ENOX1: variants seen among roughly 807,000 people sequenced by gnomAD.
The protein encoded by ENOX1 is ecto-NOX disulfide-thiol exchanger 1, also known as candidate growth-related and time keeping constitutive hydroquinone (NADH) oxidase.
A neutral mutation model predicts 82.5 loss-of-function variants in ENOX1; 42 were observed. The observed-to-expected ratio is 0.51, with a 90% CI of 0.40 to 0.66. The LOEUF (loss-of-function observed/expected upper bound fraction) is 0.66, where lower values mean the gene tolerates loss of function less well. ENOX1 is among the 30% of genes least tolerant of loss of function. ENOX1 has a pLI of 0.00. For synonymous variants in ENOX1, 271 were observed against 282.2 expected, an observed-to-expected ratio of 0.96 and a Z score of 0.40; for missense variants, 608 against 811.6, an observed-to-expected ratio of 0.75 and a Z score of 3.05.
chr13:43,485,020 G>C (rs1356241851), intron 2 of ENOX1, among the ~76,000 whole-genome samples: 1 of 152,138 alleles, frequency 6.6e-6, no homozygotes, highest in East Asian at 1.9e-4. Flanking sequence ...TTCCTCCACT[G>C]TCCTGATGAA....
chr13:43,463,361 A>G (rs892685768), intron 3 of ENOX1, among the ~76,000 whole-genome samples: 1 of 152,182 alleles, frequency 6.6e-6, no homozygotes, highest in African/African-American at 2.4e-5. Context: ...TGCGCTTTGC[A>G]CATTTAAAAC....
intron 1 of ENOX1, among the ~76,000 whole-genome samples, chr13:43,729,022 T>C (rs971772697): frequency 5.9e-5 from 9 of 152,192 alleles, no homozygotes; most frequent in African/African-American, 1.9e-4. Context: ...TGATCAATAA[T>C]AATAACCACC....
intron 8 of ENOX1, among the ~76,000 whole-genome samples, chr13:43,351,917 T>C (rs546726418): frequency 1.3e-3 from 197 of 152,296 alleles, no homozygotes; most frequent in Non-Finnish European, 2.0e-3. Context: ...CTTGCCTCTA[T>C]GAAGGTCAAT....
intron 16 of ENOX1, among the ~76,000 whole-genome samples, chr13:43,219,710 C>G (rs1326190165): frequency 6.6e-6 from 1 of 152,194 alleles, no homozygotes. Context: ...TTTGCTCACT[C>G]TAGGCCAAGC....
rs9567225 is a variant in ENOX1, at chr13:43,592,977, G to C, written c.-219+74502C>G. On this transcript the variant is annotated intron_variant, in intron 2 of 16. Coordinates refer to ENST00000690772, the MANE Select transcript of ENOX1 (RefSeq NM_001347969.2). ...TTACTTAATATTCTGCATCCTTGAAGTTCTCAAAAATATCAGTAACTATCA... is the reference window on the plus strand; with the variant it reads ...TTACTTAATATTCTGCATCCTTGAACTTCTCAAAAATATCAGTAACTATCA... Among the ~76,000 whole-genome samples, 1,437 of 152,320 alleles carry C rather than the reference G, an allele frequency of 9.4e-3. 24 individuals are homozygous for C. The highest frequency in any genetic ancestry group is 0.085 in the East Asian group (439 of 5,192).
At chr13:43,255,152 A>G (rs1471411365) in intron 14 of ENOX1, among the ~76,000 whole-genome samples, 1 of 152,190 alleles carries the variant, frequency 6.6e-6, no homozygotes, top group African/African-American at 2.4e-5. Flanking sequence ...ATATGCAAAT[A>G]ATAAAGTGGT....
chr13:43,414,444 ACC>A (rs1349169171), intron 3 of ENOX1, among the ~76,000 whole-genome samples: 15 of 152,226 alleles, frequency 9.9e-5, no homozygotes, highest in African/African-American at 3.6e-4. Flanking sequence ...TGAACTCAGA[ACC>A]TGCATGTGTA....
chr13:43,437,375 C>T (rs1012548089), intron 3 of ENOX1, among the ~76,000 whole-genome samples: 5 of 152,188 alleles, frequency 3.3e-5, no homozygotes, highest in African/African-American at 1.2e-4. Flanking sequence ...AATCCTGCAA[C>T]CAACATAATA....
chr13:43,253,106 T>G (rs868665179), intron 14 of ENOX1, among the ~76,000 whole-genome samples: 4 of 152,214 alleles, frequency 2.6e-5, no homozygotes, highest in African/African-American at 9.6e-5. Flanking sequence ...TGTGGATATT[T>G]GTGCAACTGC....
intron 2 of ENOX1, among the ~76,000 whole-genome samples, chr13:43,640,125 T>G (rs577522865): frequency 6.6e-6 from 1 of 152,344 alleles, no homozygotes; most frequent in East Asian, 1.9e-4. Context: ...CTTACAATAT[T>G]TTCCCTAAAT....
chr13:43,582,952 G>A (rs904827243), intron 2 of ENOX1, among the ~76,000 whole-genome samples: 13 of 151,920 alleles, frequency 8.6e-5, no homozygotes, highest in Non-Finnish European at 1.5e-4. Flanking sequence ...AAAGAAGATT[G>A]TTAGAGTTAT....
At chr13:43,346,317 G>A (rs745637643) in intron 8 of ENOX1, among the ~76,000 whole-genome samples, 2 of 152,112 alleles carry the variant, frequency 1.3e-5, no homozygotes, top group Non-Finnish European at 2.9e-5. Context: ...CAGCTTTTAG[G>A]GATGTACCCA....
At position 43,714,797 on chromosome 13, in the gene ENOX1, C is replaced by T. The variant is rs181536150; in HGVS notation, c.-284-47253G>A. Among the ~76,000 whole-genome samples the T allele has an allele frequency of 8.1e-3, 1,239 of 152,214 alleles. 8 individuals are homozygous for T. The highest frequency in any genetic ancestry group is 0.02 in the Middle Eastern group (6 of 294). ...TCTTCCTCCATCCCTTTATTTTGAGCCTATGTGTGTCTCTGCAAGTGAGAT... is the reference window on the plus strand; with the variant it reads ...TCTTCCTCCATCCCTTTATTTTGAGTCTATGTGTGTCTCTGCAAGTGAGAT... On this transcript the variant is annotated intron_variant, in intron 1 of 16. Transcript: ENST00000690772.
At chr13:43,329,739 A>C (rs1396870402) in intron 9 of ENOX1, among the ~76,000 whole-genome samples, 1 of 152,182 alleles carries the variant, frequency 6.6e-6, no homozygotes, top group Non-Finnish European at 1.5e-5. Context: ...AACAAAAACA[A>C]AACAAAATAA....
At chr13:43,768,998 T>C (rs1232415090) in intron 1 of ENOX1, among the ~76,000 whole-genome samples, 1 of 152,226 alleles carries the variant, frequency 6.6e-6, no homozygotes, top group Non-Finnish European at 1.5e-5. Flanking sequence ...AATAAACAAA[T>C]TGCTATTAGT....
At position 43,269,532 on chromosome 13, in the gene ENOX1, A is replaced by T. The variant is rs544071330; in HGVS notation, c.1492T>A (p.Leu498Met). The T allele has an allele frequency of 1.2e-6, 2 of 1,613,842 alleles. No homozygotes were observed. Among genetic ancestry groups the T allele is most frequent in the Non-Finnish European group, 1.7e-6 (2 of 1,179,882 alleles). ...QEELNNKKSE[L>M]EQAKEEQSHT... Reference sequence around the variant, plus strand: ...GACTGCTCTTCCTTTGCTTGTTCCAATTCTGACTTTTTGTTGTTTAACTCC... The same window carrying T: ...GACTGCTCTTCCTTTGCTTGTTCCATTTCTGACTTTTTGTTGTTTAACTCC... The change falls in exon 13 of 17, where the codon TTG becomes ATG. Residue 498 changes from leucine to methionine, a missense_variant. Leu to Met is a conservative substitution (Grantham distance 15). Coordinates refer to ENST00000690772, the MANE Select transcript of ENOX1 (RefSeq NM_001347969.2).
At chr13:43,407,010 G>T (rs1240898213) in intron 5 of ENOX1, among the ~76,000 whole-genome samples, 1 of 152,204 alleles carries the variant, frequency 6.6e-6, no homozygotes, top group Non-Finnish European at 1.5e-5. Flanking sequence ...GCAGGCCTGG[G>T]CAAGAAACTT....
At chr13:43,720,109 T>C (rs2088469886) in intron 1 of ENOX1, among the ~76,000 whole-genome samples, 1 of 152,082 alleles carries the variant, frequency 6.6e-6, no homozygotes, top group South Asian at 2.1e-4. Context: ...TTACATGTTA[T>C]TATTGAAAAA....
Position 43,236,622 on chromosome 13 carries a change from CAG to C in ENOX1, c.1714+12_1714+13del, listed in dbSNP as rs1566302387. The C allele has an allele frequency of 4.0e-6, 6 of 1,490,274 alleles. No homozygotes were observed. The highest frequency in any genetic ancestry group is 2.3e-5 in the Admixed American group (1 of 43,090). 92.3% of individuals were successfully genotyped at this position (1,490,274 alleles called of 1,614,324 possible). A position where few individuals can be genotyped will look rare whatever the true frequency, so the allele number is the denominator to read the frequency against. On this transcript the variant is annotated intron_variant, in intron 15 of 16. Coordinates refer to ENST00000690772, the MANE Select transcript of ENOX1 (RefSeq NM_001347969.2). The stretch of plus-strand genomic sequence containing the variant: ...TATTTAAGAGAACAGATGAAGAAAA[CAG>C]AATTTCCTTACCTATTAGCAGAGCT...
Sources: allele counts gnomAD v4.1 joint callset (sites outside exome capture counted in the v4.1 genomes callset), GRCh38; gene constraint gnomAD v4.1.1; transcripts MANE v1.5; gene names NCBI Gene and HGNC (gene_info 2026-07-23, HGNC 2026-07-21).